The following QTRT2 variants were observed in gnomAD, a reference collection of about 807,000 sequenced individuals.
QTRT2 encodes the protein queuine tRNA-ribosyltransferase domain containing 1.
In QTRT2, 32 loss-of-function variants were observed where a neutral mutation model predicts 44.8. That is an observed-to-expected ratio of 0.71 (90% CI 0.54 to 0.96). The LOEUF is 0.96. Ranked by LOEUF, QTRT2 falls within the 40% of genes least tolerant of loss-of-function variation. QTRT2 has a pLI of 0.00. For synonymous variants in QTRT2, 182 were observed against 187.4 expected, an observed-to-expected ratio of 0.97 and a Z score of 0.24; for missense variants, 461 against 503.1, an observed-to-expected ratio of 0.92 and a Z score of 0.80.
At chr3:114,070,564 AT>A in intron 5 of QTRT2, 61 bp from the exon 6 acceptor site, 1 of 1,384,634 alleles carries the variant, frequency 7.2e-7, no homozygotes, top group South Asian at 1.2e-5. Context: ...TATCATTTTA[AT>A]TATTTTATTT....
At chr3:114,071,055 T>C (rs562458962) in intron 6 of QTRT2, among the ~76,000 whole-genome samples, 24 of 152,336 alleles carry the variant, frequency 1.6e-4, no homozygotes, top group Non-Finnish European at 3.1e-4. Context: ...ATGTTGTCCC[T>C]GGGCAGCCTT....
rs1028709660 is a variant in QTRT2, at chr3:114,067,618, C to T, written c.257-369C>T. Among the ~76,000 whole-genome samples, 9 of 152,194 alleles carry T rather than the reference C, an allele frequency of 5.9e-5. No individual in the cohort carries two copies. The South Asian group carries it at 1.2e-3, about 21-fold the overall frequency. ...TTGTGGGCATATCATTTTATCTTTG[C>T]GGTAGCTAGTTCCCCTTGGATGGTA... is the stretch of plus-strand genomic sequence containing the variant. On this transcript the variant is annotated intron_variant, in intron 4 of 9. Coordinates refer to ENST00000281273, the MANE Select transcript of QTRT2 (RefSeq NM_024638.4).
chr3:114,074,577 C>T (rs560878670), intron 6 of QTRT2, among the ~76,000 whole-genome samples: 5 of 152,300 alleles, frequency 3.3e-5, no homozygotes, highest in South Asian at 2.1e-4. Flanking sequence ...ATTTTTCACA[C>T]GGCAGCCAAA....
At chr3:114,075,825 C>T (rs1037222165) in intron 6 of QTRT2, among the ~76,000 whole-genome samples, 5 of 152,128 alleles carry the variant, frequency 3.3e-5, no homozygotes, top group African/African-American at 1.2e-4. Context: ...TCAAACTTGT[C>T]AACCTTTTCC....
intron 4 of QTRT2, 111 bp from the exon 5 acceptor site, chr3:114,067,876 T>C: frequency 1.3e-6 from 1 of 794,824 alleles, no homozygotes; most frequent in Non-Finnish European, 2.2e-6. Flanking sequence ...CTATTGACAG[T>C]GTTTAGAGTT....
rs867805154 is a variant in QTRT2, at chr3:114,084,079, G to T, written c.1016+1285G>T. 2.9e-3 allele frequency among the ~76,000 whole-genome samples: 378 copies of T among 129,732 alleles called. 3 individuals carry two copies. Among genetic ancestry groups the T allele is most frequent in the South Asian group, 0.013 (54 of 4,252 alleles). The allele number at this position is 129,732 out of a possible 152,430, so 85.1% of individuals were successfully genotyped here. On this transcript the variant is annotated intron_variant, in intron 9 of 9. Transcript: ENST00000281273. ...TTTTTTCTTTTTTTTTTTTTTTTGTGGGGGGCAGAGTGTAGCTCTGTTGCC... is the reference window on the plus strand; with the variant it reads ...TTTTTTCTTTTTTTTTTTTTTTTGTTGGGGGCAGAGTGTAGCTCTGTTGCC...
intron 2 of QTRT2, among the ~76,000 whole-genome samples, chr3:114,060,429 T>C (rs984164015): frequency 6.6e-6 from 1 of 152,046 alleles, no homozygotes; most frequent in African/African-American, 2.4e-5. Context: ...CCAAGACCCC[T>C]TGTGGATGCT....
chr3:114,065,536 T>G, intron 3 of QTRT2, 79 bp downstream of exon 3: 1 of 1,093,686 alleles, frequency 9.1e-7, no homozygotes, highest in Non-Finnish European at 1.3e-6. Flanking sequence ...GAGAAATATT[T>G]TTTTTTGTTC....
intron 6 of QTRT2, among the ~76,000 whole-genome samples, chr3:114,071,508 A>G (rs2077023853): frequency 6.6e-6 from 1 of 152,162 alleles, no homozygotes; most frequent in Admixed American, 6.5e-5. Context: ...CATGTTAGCC[A>G]GGCTGGTCTT....
intron 2 of QTRT2, among the ~76,000 whole-genome samples, chr3:114,062,362 T>C: frequency 9.6e-6 from 1 of 104,704 alleles, no homozygotes; most frequent in African/African-American, 3.8e-5. Context: ...GAGTGAGACC[T>C]TGTCTCAAAA....
intron 7 of QTRT2, chr3:114,079,677 T>C (rs755708496): frequency 2.7e-6 from 1 of 369,210 alleles, no homozygotes; most frequent in Non-Finnish European, 5.0e-6. Context: ...CTTTCCAAAG[T>C]GACACAGCAG....
intron 2 of QTRT2, among the ~76,000 whole-genome samples, chr3:114,065,017 G>C (rs1488389477): frequency 6.6e-6 from 1 of 152,144 alleles, no homozygotes; most frequent in Non-Finnish European, 1.5e-5. Flanking sequence ...TTTAAAATTA[G>C]TTGATGCCAA....
At chr3:114,061,512 T>A (rs546346408) in intron 2 of QTRT2, among the ~76,000 whole-genome samples, 1 of 152,222 alleles carries the variant, frequency 6.6e-6, no homozygotes, top group African/African-American at 2.4e-5. Flanking sequence ...CCCTGTGTAA[T>A]TCTGTTGGCA....
rs1218197560 is a variant in QTRT2, at chr3:114,088,347, A to G, written c.*2443A>G. 1 of 152,210 alleles carries G rather than the reference A, an allele frequency of 6.6e-6. No individual in the cohort carries two copies. The highest frequency in any genetic ancestry group is 2.4e-5 in the African/African-American group (1 of 41,450). The allele number at this position is 152,210 out of a possible 1,614,324, so 9.4% of individuals were successfully genotyped here. On this transcript the variant is annotated 3_prime_UTR_variant, in exon 10 of 10. Coordinates refer to ENST00000281273, the MANE Select transcript of QTRT2 (RefSeq NM_024638.4). ...GCCAATAAAACATTTTTAATTTTAAAAATTTACTGTGTTTGGCTTTCTGTA... is the reference window on the plus strand; with the variant it reads ...GCCAATAAAACATTTTTAATTTTAAGAATTTACTGTGTTTGGCTTTCTGTA...
intron 2 of QTRT2, among the ~76,000 whole-genome samples, chr3:114,061,242 C>A (rs2076883462): frequency 6.6e-6 from 1 of 152,048 alleles, no homozygotes; most frequent in Admixed American, 6.5e-5. Flanking sequence ...ATAGGGCAAA[C>A]ATGCCACTGA....
intron 2 of QTRT2, among the ~76,000 whole-genome samples, chr3:114,060,319 G>T (rs572462352): frequency 1.5e-4 from 23 of 152,190 alleles, no homozygotes; most frequent in Non-Finnish European, 3.4e-4. Flanking sequence ...GGGCTTCCAG[G>T]TCTGGCTGCC....
chr3:114,074,593 C>T (rs1050619082), intron 6 of QTRT2, among the ~76,000 whole-genome samples: 1 of 152,210 alleles, frequency 6.6e-6, no homozygotes, highest in African/African-American at 2.4e-5. Context: ...CCAAAGTGTT[C>T]TTTCTAGAGG....
At chr3:114,084,399 C>G (rs1339860341) in intron 9 of QTRT2, among the ~76,000 whole-genome samples, 1 of 152,104 alleles carries the variant, frequency 6.6e-6, no homozygotes, top group Non-Finnish European at 1.5e-5. Context: ...TGGAGGATCA[C>G]TTGAGCCCAG....
intron 6 of QTRT2, among the ~76,000 whole-genome samples, chr3:114,075,200 T>G (rs2077073109): frequency 6.6e-6 from 1 of 152,224 alleles, no homozygotes; most frequent in Non-Finnish European, 1.5e-5. Flanking sequence ...ACCTCTACTA[T>G]GTTGTTATCT....
Sources: gnomAD v4.1 joint callset for allele counts (sites outside exome capture counted in the v4.1 genomes callset) on GRCh38, gnomAD v4.1.1 for gene constraint, MANE v1.5 for transcripts, NCBI Gene and HGNC (gene_info 2026-07-23, HGNC 2026-07-21) for gene names.